The following WDR25 variants were observed in gnomAD, a reference collection of about 807,000 sequenced individuals.
WDR25 encodes the protein WD repeat-containing protein 25.
A neutral mutation model predicts 47.7 loss-of-function variants in WDR25; 35 were observed. That is an observed-to-expected ratio of 0.73 (90% confidence interval 0.56 to 0.97). WDR25 has a LOEUF of 0.97. Among genes scored for constraint, WDR25 ranks in the 50% least tolerant of loss-of-function variants. WDR25 has a pLI of 0.00. For missense variants in WDR25, 634 were observed against 704.7 expected (o/e 0.90, Z 1.14); for synonymous variants, 248 against 278.9 (o/e 0.89, Z 1.10).
At position 100,529,174 on chromosome 14, in the gene WDR25, G is replaced by A; in HGVS notation, c.1379G>A (p.Arg460Gln). ...CTTTTCTCCACTGTGTGGCCCTACCGGATGAGCAGACGGCGGCGCTATGAA... is the reference window on the plus strand; with the variant it reads ...CTTTTCTCCACTGTGTGGCCCTACCAGATGAGCAGACGGCGGCGCTATGAA... Reference protein sequence around the residue: ...LALFSTVWPYRMSRRRRYEGH... With the variant: ...LALFSTVWPYQMSRRRRYEGH... The change falls in exon 6 of 7, where the codon CGG becomes CAG. Residue 460 changes from arginine (R) to glutamine (Q), a missense_variant. Coordinates refer to ENST00000402312, the MANE Select transcript of WDR25 (RefSeq NM_001161476.3). This position sits in a 1 kb window ranked among gnomAD's most constrained non-coding sequence, Gnocchi z 5.1. 4 of 1,612,772 alleles carry A rather than the reference G, an allele frequency of 2.5e-6. No homozygotes were observed. Among genetic ancestry groups the A allele is most frequent in the Non-Finnish European group, 3.4e-6 (4 of 1,179,058 alleles).
intron 4 of WDR25, among the ~76,000 whole-genome samples, chr14:100,484,500 G>A (rs1008194925): frequency 3.3e-5 from 5 of 151,948 alleles, no homozygotes; most frequent in Admixed American, 6.6e-5. Context: ...GTGTGTGTGC[G>A]CACTTGTTTG....
intron 2 of WDR25, among the ~76,000 whole-genome samples, chr14:100,397,337 A>C (rs1437204864): frequency 6.6e-6 from 1 of 152,198 alleles, no homozygotes; most frequent in Admixed American, 6.5e-5. Context: ...TACTTCCTTC[A>C]CTTCTTACAA....
At chr14:100,513,740 C>T (rs531940161) in intron 4 of WDR25, among the ~76,000 whole-genome samples, 2 of 151,442 alleles carry the variant, frequency 1.3e-5, no homozygotes, top group African/African-American at 4.8e-5. Context: ...GTTGCCCAGG[C>T]TGGTCTCAAA....
At chr14:100,460,426 A>G (rs76500387) in intron 2 of WDR25, among the ~76,000 whole-genome samples, 7,039 of 152,198 alleles carry the variant, frequency 0.046, 511 homozygotes, top group African/African-American at 0.15. Flanking sequence ...CAAAATTTTT[A>G]AATAAAATTT....
chr14:100,391,483 G>A (rs1036895655), intron 2 of WDR25, among the ~76,000 whole-genome samples: 4 of 152,158 alleles, frequency 2.6e-5, no homozygotes, highest in Admixed American at 1.3e-4. Flanking sequence ...CAGGGCATGG[G>A]TACGCCACAG....
intron 4 of WDR25, among the ~76,000 whole-genome samples, chr14:100,486,837 C>T (rs994280334): frequency 6.6e-6 from 1 of 152,082 alleles, no homozygotes; most frequent in African/African-American, 2.4e-5. Context: ...ACAGGCCTTC[C>T]CTTTTAAATA....
chr14:100,497,992 C>T (rs1161701918), intron 4 of WDR25, among the ~76,000 whole-genome samples: 1 of 152,228 alleles, frequency 6.6e-6, no homozygotes, highest in East Asian at 1.9e-4. Context: ...AGTTCATTCA[C>T]TGTTTCTTGA....
At chr14:100,466,585 C>A (rs1391014195) in intron 2 of WDR25, among the ~76,000 whole-genome samples, 1 of 152,238 alleles carries the variant, frequency 6.6e-6, no homozygotes, top group Non-Finnish European at 1.5e-5. Flanking sequence ...GCCTTCACCA[C>A]TGCCCTCGGG....
intron 3 of WDR25, among the ~76,000 whole-genome samples, chr14:100,478,047 C>A (rs1900076273): frequency 6.6e-6 from 1 of 152,100 alleles, no homozygotes; most frequent in African/African-American, 2.4e-5. Context: ...AGCCGGATAG[C>A]ACCACTGCAC....
At position 100,418,880 on chromosome 14, in the gene WDR25, T is replaced by C. The variant is rs531059909; in HGVS notation, c.822+37134T>C. ...ACACCCACAATTCCTGTGACTCCCA[T>C]TGTCTCACCTGAGACCCTGGCCTTG... On this transcript the variant is annotated intron_variant, in intron 2 of 6. Transcript: ENST00000402312. Among the ~76,000 whole-genome samples the C allele has an allele frequency of 7.9e-5, 12 of 152,106 alleles. No individual in the cohort carries two copies. The East Asian group carries it at 1.9e-3, about 25-fold the overall frequency.
At chr14:100,484,218 C>A in intron 4 of WDR25, 94 bp downstream of exon 4, 1 of 1,361,700 alleles carries the variant, frequency 7.3e-7, no homozygotes, top group Non-Finnish European at 9.8e-7. Flanking sequence ...TATATAGGAC[C>A]CTTGAGGTGG....
At chr14:100,385,817 T>C (rs993041989) in intron 2 of WDR25, among the ~76,000 whole-genome samples, 1 of 152,016 alleles carries the variant, frequency 6.6e-6, no homozygotes, top group Admixed American at 6.5e-5. Flanking sequence ...GAACACCCAC[T>C]GCACGTAAAG....
At chr14:100,511,720 A>G (rs1901317861) in intron 4 of WDR25, among the ~76,000 whole-genome samples, 1 of 152,172 alleles carries the variant, frequency 6.6e-6, no homozygotes. Context: ...TTTCAGTTAC[A>G]TATGATGTCA....
chr14:100,436,644 G>A (rs1898508555), intron 2 of WDR25, among the ~76,000 whole-genome samples: 1 of 152,178 alleles, frequency 6.6e-6, no homozygotes, highest in South Asian at 2.1e-4. Flanking sequence ...GTGTCTCTTG[G>A]GTCGTGGAGG....
chr14:100,523,709 A>C lies in WDR25; in HGVS notation c.1102-2161A>C, dbSNP rs2029973173. On this transcript the variant is annotated intron_variant, in intron 4 of 6. Coordinates refer to ENST00000402312, the MANE Select transcript of WDR25 (RefSeq NM_001161476.3). The surrounding 1 kb of genome is among the most constrained non-coding windows in gnomAD (Gnocchi z 4.7). ...TTTGCTGGTGGGCCGAGTGGTGGGC[A>C]GATTGTAGGGACATAACCCCTGCAT... Among the ~76,000 whole-genome samples the C allele has an allele frequency of 6.6e-6, 1 of 152,040 alleles. No homozygotes were observed. The highest frequency in any genetic ancestry group is 2.4e-5 in the African/African-American group (1 of 41,402).
chr14:100,456,374 A>G (rs1323935688), intron 2 of WDR25, among the ~76,000 whole-genome samples: 1 of 152,214 alleles, frequency 6.6e-6, no homozygotes, highest in Non-Finnish European at 1.5e-5. Context: ...CAAAACATGC[A>G]AAGAAGTAAA....
At chr14:100,399,184 A>G (rs569991673) in intron 2 of WDR25, among the ~76,000 whole-genome samples, 2 of 151,608 alleles carry the variant, frequency 1.3e-5, no homozygotes, top group Non-Finnish European at 2.9e-5. Flanking sequence ...ACTGCTTACC[A>G]CATTGATGTT....
rs1446267528 is a variant in WDR25, at chr14:100,424,071, C to T, written c.822+42325C>T. 6.6e-6 allele frequency among the ~76,000 whole-genome samples: 1 copy of T among 152,216 alleles called. No individual in the cohort carries two copies. Among genetic ancestry groups the T allele is most frequent in the Admixed American group, 6.5e-5 (1 of 15,278 alleles). The stretch of plus-strand genomic sequence containing the variant: ...TGGGGACAGCCAGGTGTGCCACAGG[C>T]CATCTCGCAGGGCCTCCCTGTACCA... On this transcript the variant is annotated intron_variant, in intron 2 of 6. Coordinates refer to ENST00000402312, the MANE Select transcript of WDR25 (RefSeq NM_001161476.3). This position sits in a 1 kb window ranked among gnomAD's most constrained non-coding sequence, Gnocchi z 4.2.
At chr14:100,408,776 G>A (rs973312882) in intron 2 of WDR25, among the ~76,000 whole-genome samples, 2 of 152,154 alleles carry the variant, frequency 1.3e-5, no homozygotes, top group African/African-American at 4.8e-5. Flanking sequence ...CATCTTTTCT[G>A]TGCCTTGGGT....
Sources: allele counts gnomAD v4.1 joint callset (sites outside exome capture counted in the v4.1 genomes callset), GRCh38; gene constraint gnomAD v4.1.1; non-coding constraint Gnocchi (gnomAD v3.1); transcripts MANE v1.5; gene names NCBI Gene and HGNC (gene_info 2026-07-23, HGNC 2026-07-21).